EBF1: variants seen among roughly 807,000 people sequenced by gnomAD.
EBF1 encodes transcription factor COE1.
Under a neutral mutation model 68.4 loss-of-function variants are expected in EBF1, and 10 were observed. That is an observed-to-expected ratio of 0.15 (90% CI 0.09 to 0.25). The LOEUF is 0.25. EBF1 is among the 10% of genes least tolerant of loss of function. The pLI is 1.00. For missense variants in EBF1, 509 were observed against 794.4 expected (o/e 0.64, Z 4.32); for synonymous variants, 298 against 299.8 (o/e 0.99, Z 0.06).
intron 6 of EBF1, among the ~76,000 whole-genome samples, chr5:159,025,556 C>T (rs563227372): frequency 1.3e-5 from 2 of 152,312 alleles, no homozygotes; most frequent in South Asian, 4.1e-4. Flanking sequence ...CTTCTTTAAC[C>T]TTATTAACCC....
intron 6 of EBF1, among the ~76,000 whole-genome samples, chr5:158,956,572 T>C (rs1817142114): frequency 6.6e-6 from 1 of 152,066 alleles, no homozygotes; most frequent in African/African-American, 2.4e-5. Flanking sequence ...CCTTAAGGTC[T>C]TCCAAGTTAT....
chr5:158,811,588 G>A (rs1489638630), intron 8 of EBF1, among the ~76,000 whole-genome samples: 1 of 152,170 alleles, frequency 6.6e-6, no homozygotes, highest in Admixed American at 6.6e-5. Flanking sequence ...CATTAAAAGA[G>A]ATCATACAAA....
chr5:159,089,337 A>T (rs909526495), intron 4 of EBF1, among the ~76,000 whole-genome samples: 1 of 152,174 alleles, frequency 6.6e-6, no homozygotes, highest in Non-Finnish European at 1.5e-5. Context: ...GTAACCTGTA[A>T]TATCTTTGAA....
At chr5:158,933,191 G>C (rs1811264120) in intron 6 of EBF1, among the ~76,000 whole-genome samples, 1 of 151,390 alleles carries the variant, frequency 6.6e-6, no homozygotes, top group Admixed American at 6.6e-5. Flanking sequence ...GAAATATTTT[G>C]ACATGTAAAC....
intron 6 of EBF1, among the ~76,000 whole-genome samples, chr5:158,844,188 CTTT>C (rs10640628): frequency 1.6e-5 from 2 of 126,336 alleles, no homozygotes. Flanking sequence ...TAACTCAAGC[CTTT>C]TTTTTTTTTT....
chr5:159,057,104 C>CTTTTTTTTTTTTTTTT (rs1205129627), intron 6 of EBF1, among the ~76,000 whole-genome samples: 16 of 110,636 alleles, frequency 1.4e-4, no homozygotes, highest in Non-Finnish European at 1.7e-4. Context: ...CTTTTCTTTT[C>CTTTTTTTTTTTTTTTT]TTTTTTTTTT....
intron 11 of EBF1, among the ~76,000 whole-genome samples, chr5:158,715,949 TG>T (rs1242737568): frequency 6.6e-6 from 1 of 152,210 alleles, no homozygotes; most frequent in Non-Finnish European, 1.5e-5. Context: ...ATGCCAGTGT[TG>T]GGGCTTGGCA....
At chr5:158,883,426 A>G (rs181402021) in intron 6 of EBF1, among the ~76,000 whole-genome samples, 21 of 149,554 alleles carry the variant, frequency 1.4e-4, no homozygotes, top group African/African-American at 4.5e-4. Context: ...ACATACGTAT[A>G]TATATATATA....
At chr5:159,096,648 C>G in intron 2 of EBF1, 1 of 612,486 alleles carries the variant, frequency 1.6e-6, no homozygotes, top group Non-Finnish European at 2.9e-6. Flanking sequence ...TTTCCAGGGC[C>G]TAGGGGCTCG....
At chr5:159,010,501 G>T (rs1454247215) in intron 6 of EBF1, among the ~76,000 whole-genome samples, 2 of 152,108 alleles carry the variant, frequency 1.3e-5, no homozygotes, top group African/African-American at 4.8e-5. Flanking sequence ...CCAGAAGCAT[G>T]ACTAGTTTGC....
chr5:158,771,389 A>G (rs369606731), intron 10 of EBF1, among the ~76,000 whole-genome samples: 1 of 152,154 alleles, frequency 6.6e-6, no homozygotes, highest in East Asian at 1.9e-4. Context: ...TCATTTAAAG[A>G]AACTATGTTC....
chr5:158,779,747 G>T (rs956108248), intron 9 of EBF1, among the ~76,000 whole-genome samples: 3 of 152,104 alleles, frequency 2.0e-5, no homozygotes, highest in Non-Finnish European at 2.9e-5. Context: ...TAAGTATAGG[G>T]ACTTAATATG....
chr5:159,005,186 C>A (rs1340875706), intron 6 of EBF1, among the ~76,000 whole-genome samples: 1 of 152,180 alleles, frequency 6.6e-6, no homozygotes, highest in African/African-American at 2.4e-5. Flanking sequence ...TTAATCAAAT[C>A]TCAAAAGTGC....
chr5:158,706,998 G>T lies in EBF1; in HGVS notation c.1744+981C>A, dbSNP rs190439845. Among the ~76,000 whole-genome samples, 160 of 152,316 alleles carry T rather than the reference G, an allele frequency of 1.1e-3. 2 individuals are homozygous for T. The highest frequency in any genetic ancestry group is 3.5e-3 in the African/African-American group (146 of 41,570). On this transcript the variant is annotated intron_variant, in intron 15 of 15. Transcript: ENST00000313708. ...CCTACCAGCTGCCTTAGGAACCCTGGCTATGTCTCTTTTAGCACCTCTGAA... is the reference window on the plus strand; with the variant it reads ...CCTACCAGCTGCCTTAGGAACCCTGTCTATGTCTCTTTTAGCACCTCTGAA...
At chr5:158,969,609 A>G (rs1317673328) in intron 6 of EBF1, among the ~76,000 whole-genome samples, 3 of 150,824 alleles carry the variant, frequency 2.0e-5, no homozygotes, top group African/African-American at 7.3e-5. Flanking sequence ...ACAAAAAAAA[A>G]AAAAAAAAAG....
intron 6 of EBF1, among the ~76,000 whole-genome samples, chr5:158,850,379 C>T (rs1442046734): frequency 1.3e-5 from 2 of 152,300 alleles, no homozygotes; most frequent in East Asian, 3.9e-4. Context: ...AGAAGGCATA[C>T]AACAGACAAC....
intron 10 of EBF1, among the ~76,000 whole-genome samples, chr5:158,754,663 C>G (rs1279920579): frequency 6.6e-6 from 1 of 152,204 alleles, no homozygotes; most frequent in African/African-American, 2.4e-5. Flanking sequence ...GATTCCAAAT[C>G]TATGATATCA....
intron 6 of EBF1, among the ~76,000 whole-genome samples, chr5:158,965,101 C>T (rs1753848052): frequency 6.6e-6 from 1 of 152,116 alleles, no homozygotes; most frequent in African/African-American, 2.4e-5. Flanking sequence ...CTGGTTGTCA[C>T]TAACTCGTTA....
chr5:159,070,598 C>T (rs1320381749), intron 6 of EBF1, among the ~76,000 whole-genome samples: 2 of 152,102 alleles, frequency 1.3e-5, no homozygotes, highest in Non-Finnish European at 2.9e-5. Context: ...CTGAATAAAC[C>T]ACTGCTAAAA....
Sources: allele counts gnomAD v4.1 joint callset (sites outside exome capture counted in the v4.1 genomes callset), GRCh38; gene constraint gnomAD v4.1.1; transcripts MANE v1.5; gene names NCBI Gene and HGNC (gene_info 2026-07-23, HGNC 2026-07-21).